The following PAM variants were observed in gnomAD, a reference collection of about 807,000 sequenced individuals.
PAM encodes peptidylglycine alpha-amidating monooxygenase, also known as peptidyl-glycine alpha-amidating monooxygenase.
A neutral mutation model predicts 122.1 loss-of-function variants in PAM; 72 were observed. The ratio of observed to expected loss-of-function variants is 0.59; its 90% CI spans 0.49 to 0.72. The LOEUF is 0.72. Among genes scored for constraint, PAM ranks in the 30% least tolerant of loss-of-function variants. PAM has a pLI of 0.00. For missense variants in PAM, 1,106 were observed against 1,183.7 expected, an observed-to-expected ratio of 0.93 and a Z score of 0.96; for synonymous variants, 389 against 404.4, an observed-to-expected ratio of 0.96 and a Z score of 0.46.
chr5:102,949,724 A>AC, intron 10 of PAM, 107 bp downstream of exon 10: 1 of 744,140 alleles, frequency 1.3e-6, no homozygotes, highest in Non-Finnish European at 2.4e-6. Flanking sequence ...AATGAAAGTG[A>AC]TTTCATATAA....
intron 21 of PAM, among the ~76,000 whole-genome samples, chr5:103,012,705 A>C (rs1211620240): frequency 6.6e-6 from 1 of 152,026 alleles, no homozygotes; most frequent in Non-Finnish European, 1.5e-5. Flanking sequence ...ATACAAAAAA[A>C]ATTAGCCAGG....
chr5:102,879,411 TAA>T (rs1790259734), intron 3 of PAM, among the ~76,000 whole-genome samples: 1 of 152,156 alleles, frequency 6.6e-6, no homozygotes, highest in African/African-American at 2.4e-5. Context: ...TGTCCCTGCC[TAA>T]GTCTCATGTC....
At chr5:102,923,223 G>T (rs1407480792) in intron 5 of PAM, among the ~76,000 whole-genome samples, 2 of 152,100 alleles carry the variant, frequency 1.3e-5, no homozygotes, top group African/African-American at 4.8e-5. Flanking sequence ...CTCATTTCTG[G>T]CTAGAAGCAG....
At chr5:102,997,165 G>GTTT in intron 16 of PAM, among the ~76,000 whole-genome samples, 1 of 152,088 alleles carries the variant, frequency 6.6e-6, no homozygotes, top group Non-Finnish European at 1.5e-5. Context: ...AACCTAAAAA[G>GTTT]ACCCAGATAA....
At chr5:102,874,984 C>A (rs1788683993) in intron 3 of PAM, among the ~76,000 whole-genome samples, 1 of 152,102 alleles carries the variant, frequency 6.6e-6, no homozygotes, top group African/African-American at 2.4e-5. Flanking sequence ...TTACTTGAAT[C>A]TGAAACCCAT....
intron 15 of PAM, among the ~76,000 whole-genome samples, chr5:102,985,135 G>A (rs1771338429): frequency 6.6e-6 from 1 of 151,970 alleles, no homozygotes; most frequent in East Asian, 1.9e-4. Flanking sequence ...AGAGTAGAAG[G>A]ATGTCAAATA....
At chr5:102,773,952 G>A (rs1165569450) in intron 1 of PAM, among the ~76,000 whole-genome samples, 1 of 152,028 alleles carries the variant, frequency 6.6e-6, no homozygotes, top group Non-Finnish European at 1.5e-5. Context: ...CCACTTATAA[G>A]TGAGAACATA....
intron 1 of PAM, among the ~76,000 whole-genome samples, chr5:102,809,107 CTCTA>C (rs1767082985): frequency 6.6e-6 from 1 of 152,148 alleles, no homozygotes; most frequent in Admixed American, 6.5e-5. Flanking sequence ...ACCGGTTCCT[CTCTA>C]TCAGCCTCCT....
At chr5:102,762,513 G>A (rs1752631559) in intron 1 of PAM, among the ~76,000 whole-genome samples, 1 of 152,078 alleles carries the variant, frequency 6.6e-6, no homozygotes, top group Admixed American at 6.6e-5. Context: ...ATGAGTGGAA[G>A]CAATATTAGA....
intron 22 of PAM, 89 bp from the exon 23 acceptor site, chr5:103,019,701 C>A: frequency 2.4e-6 from 2 of 837,092 alleles, no homozygotes; most frequent in South Asian, 1.4e-5. Flanking sequence ...GAAATATTTT[C>A]TACTGAGTAA....
At chr5:102,905,961 T>G (rs1161076688) in intron 4 of PAM, among the ~76,000 whole-genome samples, 1 of 151,640 alleles carries the variant, frequency 6.6e-6, no homozygotes, top group Non-Finnish European at 1.5e-5. Context: ...ACATATATAG[T>G]AGAGGTTTTG....
intron 1 of PAM, among the ~76,000 whole-genome samples, chr5:102,772,500 T>C (rs897457535): frequency 6.6e-6 from 1 of 152,146 alleles, no homozygotes; most frequent in Non-Finnish European, 1.5e-5. Flanking sequence ...CTCAAACTTA[T>C]GTGCTAGGAT....
intron 12 of PAM, among the ~76,000 whole-genome samples, chr5:102,955,737 A>G (rs927243440): frequency 6.6e-6 from 1 of 151,962 alleles, no homozygotes; most frequent in South Asian, 2.1e-4. Context: ...CAGTGGACAT[A>G]ATCTCCCTTC....
intron 1 of PAM, among the ~76,000 whole-genome samples, chr5:102,788,817 A>ATAAC (rs935459229): frequency 3.6e-4 from 55 of 152,256 alleles, no homozygotes; most frequent in African/African-American, 1.3e-3. Context: ...TACTATTTTA[A>ATAAC]TAACAAAGTT....
intron 6 of PAM, among the ~76,000 whole-genome samples, chr5:102,926,244 G>A (rs536823460): frequency 9.9e-5 from 15 of 152,254 alleles, no homozygotes; most frequent in South Asian, 4.1e-4. Context: ...ACAGGCGCCC[G>A]CCACCGCGCC....
chr5:102,976,116 C>T (rs910496805), intron 15 of PAM, among the ~76,000 whole-genome samples: 2 of 152,002 alleles, frequency 1.3e-5, no homozygotes, highest in Non-Finnish European at 2.9e-5. Context: ...ATGTCACTGA[C>T]GTGAATAACA....
intron 1 of PAM, among the ~76,000 whole-genome samples, chr5:102,779,232 A>G (rs1358760068): frequency 1.3e-5 from 2 of 149,888 alleles, no homozygotes; most frequent in African/African-American, 2.5e-5. Flanking sequence ...GTGTGTATAT[A>G]TATGTGTATA....
intron 1 of PAM, among the ~76,000 whole-genome samples, chr5:102,817,976 T>C (rs1048735232): frequency 2.0e-5 from 3 of 150,686 alleles, no homozygotes; most frequent in African/African-American, 7.3e-5. Context: ...TTTCAGGTCT[T>C]TTCTTTGTAA....
intron 3 of PAM, among the ~76,000 whole-genome samples, chr5:102,888,718 T>G (rs1793899782): frequency 6.6e-6 from 1 of 151,976 alleles, no homozygotes; most frequent in Non-Finnish European, 1.5e-5. Flanking sequence ...CCTCCCTTCC[T>G]GTGTGAAAAC....
Sources: gnomAD v4.1 joint callset for allele counts (sites outside exome capture counted in the v4.1 genomes callset) on GRCh38, gnomAD v4.1.1 for gene constraint, MANE v1.5 for transcripts, NCBI Gene and HGNC (gene_info 2026-07-23, HGNC 2026-07-21) for gene names.